The following NAA25 variants were observed in gnomAD, a reference collection of about 807,000 sequenced individuals.
The protein encoded by NAA25 is N-alpha-acetyltransferase 25, NatB auxiliary subunit, also known as N-terminal acetyltransferase B complex subunit NAA25.
In NAA25, 30 loss-of-function variants were observed where a neutral mutation model predicts 132.5. The ratio of observed to expected loss-of-function variants is 0.23; its 90% CI spans 0.17 to 0.31. The LOEUF is 0.31. Ranked by LOEUF, NAA25 falls within the 10% of genes least tolerant of loss-of-function variation. The pLI is 1.00. For synonymous variants in NAA25, 359 were observed against 401.9 expected (o/e 0.89, Z 1.28); for missense variants, 771 against 1,150.4 (o/e 0.67, Z 4.77).
chr12:112,053,034 C>T (rs1299633902), intron 15 of NAA25, among the ~76,000 whole-genome samples: 1 of 152,174 alleles, frequency 6.6e-6, no homozygotes, highest in East Asian at 1.9e-4. Context: ...TTCATTATGG[C>T]ACAGAGAAGC....
intron 17 of NAA25, among the ~76,000 whole-genome samples, chr12:112,044,153 G>C (rs111663783): frequency 2.6e-5 from 4 of 151,428 alleles, no homozygotes; most frequent in Middle Eastern, 3.4e-3. Context: ...GGATGGTCTT[G>C]ATCTCCTGAC....
chr12:112,108,590 G>GCGGCCCGCCCCCCTGCGCCTGCC, intron 1 of NAA25, 126 bp downstream of exon 1: 1 of 1,053,364 alleles, frequency 9.5e-7, no homozygotes, highest in Non-Finnish European at 1.2e-6. Context: ...AGTGGCCCGC[G>GCGGCCCGCCCCCCTGCGCCTGCC]CGGCCCGCCC....
intron 4 of NAA25, among the ~76,000 whole-genome samples, chr12:112,083,705 T>C (rs1487067404): frequency 6.6e-6 from 1 of 152,070 alleles, no homozygotes; most frequent in Non-Finnish European, 1.5e-5. Flanking sequence ...TGGGAAGATT[T>C]TACAATCAAA....
chr12:112,074,821 CT>C, intron 8 of NAA25, 57 bp from the exon 9 acceptor site: 1 of 1,156,576 alleles, frequency 8.6e-7, no homozygotes, highest in Non-Finnish European at 1.3e-6. Context: ...ACAGATCTTC[CT>C]TAGGAACCAT....
Position 112,029,474 on chromosome 12 carries a change from G to A in NAA25, c.*57C>T. On this transcript the variant is annotated 3_prime_UTR_variant, in exon 24 of 24. Transcript: ENST00000261745. ...GGTCAACCAGATGTTGCTTTTGCCTGGGAAGATGGTGTCATATTCTGTTGC... is the reference window on the plus strand; with the variant it reads ...GGTCAACCAGATGTTGCTTTTGCCTAGGAAGATGGTGTCATATTCTGTTGC... The A allele has an allele frequency of 2.5e-6, 4 of 1,607,744 alleles. No individual in the cohort carries two copies. The highest frequency in any genetic ancestry group is 3.4e-6 in the Non-Finnish European group (4 of 1,176,702).
chr12:112,047,295 G>C (rs1316758570), intron 17 of NAA25, among the ~76,000 whole-genome samples: 1 of 147,676 alleles, frequency 6.8e-6, no homozygotes, highest in East Asian at 2.0e-4. Flanking sequence ...GTAATGGTGC[G>C]ATCTCAGCTC....
chr12:112,033,474 T>C, intron 22 of NAA25, 95 bp from the exon 23 acceptor site: 1 of 1,192,620 alleles, frequency 8.4e-7, no homozygotes, highest in Non-Finnish European at 1.1e-6. Context: ...GGAATTTAAA[T>C]AGTGGCATTT....
intron 3 of NAA25, 90 bp downstream of exon 3, chr12:112,090,636 C>A: frequency 7.4e-7 from 1 of 1,351,456 alleles, no homozygotes; most frequent in South Asian, 1.3e-5. Flanking sequence ...CCATTCAAAT[C>A]ATGAGTGAGA....
At chr12:112,033,139 G>C (rs1337226419) in intron 23 of NAA25, 94 bp downstream of exon 23, 2 of 1,352,340 alleles carry the variant, frequency 1.5e-6, no homozygotes, top group Non-Finnish European at 2.0e-6. Context: ...ATGATAAATT[G>C]AACTTTAACT....
chr12:112,095,695 C>T (rs1269102849), intron 1 of NAA25, among the ~76,000 whole-genome samples: 1 of 151,020 alleles, frequency 6.6e-6, no homozygotes, highest in Non-Finnish European at 1.5e-5. Flanking sequence ...TGGAGGAAGC[C>T]TTATATTCAT....
intron 13 of NAA25, among the ~76,000 whole-genome samples, chr12:112,059,077 A>T (rs974880440): frequency 1.6e-4 from 1 of 6,228 alleles, no homozygotes; most frequent in Non-Finnish European, 3.1e-4. Flanking sequence ...CCATCTCACA[A>T]AAAAAAAAAA....
intron 22 of NAA25, among the ~76,000 whole-genome samples, chr12:112,038,899 A>G (rs2078263988): frequency 6.6e-6 from 1 of 152,218 alleles, no homozygotes; most frequent in African/African-American, 2.4e-5. Flanking sequence ...GAATCACTCG[A>G]ACCCAGGGGG....
At chr12:112,055,730 A>G (rs2078534310) in intron 13 of NAA25, among the ~76,000 whole-genome samples, 1 of 152,026 alleles carries the variant, frequency 6.6e-6, no homozygotes. Flanking sequence ...AAAAAAAAAA[A>G]GAAAAAAAAA....
chr12:112,057,773 G>A (rs1279016856), intron 13 of NAA25, among the ~76,000 whole-genome samples: 1 of 152,116 alleles, frequency 6.6e-6, no homozygotes, highest in Admixed American at 6.5e-5. Flanking sequence ...GGTGGATCAC[G>A]AGGTCAAGAG....
At chr12:112,059,027 T>C (rs1236869962) in intron 13 of NAA25, among the ~76,000 whole-genome samples, 1 of 136,234 alleles carries the variant, frequency 7.3e-6, no homozygotes, top group Non-Finnish European at 1.5e-5. Context: ...TGAGCTGAGA[T>C]TGCACCACTG....
intron 13 of NAA25, among the ~76,000 whole-genome samples, chr12:112,056,884 C>T (rs1741029339): frequency 6.6e-6 from 1 of 152,174 alleles, no homozygotes; most frequent in African/African-American, 2.4e-5. Context: ...GTGACAATAA[C>T]TGTATTATTA....
chr12:112,074,670 C>G lies in NAA25; in HGVS notation c.866+5G>C. The G allele has an allele frequency of 6.3e-7, 1 of 1,590,856 alleles. No individual in the cohort carries two copies. The highest frequency in any genetic ancestry group is 8.6e-7 in the Non-Finnish European group (1 of 1,165,598). ...TGTTATAATTCAGGAAAGAAGACAA[C>G]TTACTGTTCACCTTCAGCAGGAGGA... On this transcript the variant is annotated splice_donor_5th_base_variant and intron_variant, in intron 9 of 23. Transcript: ENST00000261745.
intron 13 of NAA25, among the ~76,000 whole-genome samples, chr12:112,055,904 A>C (rs1211076302): frequency 6.6e-6 from 1 of 152,222 alleles, no homozygotes; most frequent in Non-Finnish European, 1.5e-5. Context: ...GTTTTCCAGA[A>C]GAAAAGAAAG....
chr12:112,059,166 T>A (rs369486704), intron 13 of NAA25, among the ~76,000 whole-genome samples: 115 of 134,996 alleles, frequency 8.5e-4, no homozygotes, highest in African/African-American at 3.1e-3. Flanking sequence ...CCATCTACTC[T>A]GAGGCTAAGG....
Sources: gnomAD v4.1 joint callset for allele counts (sites outside exome capture counted in the v4.1 genomes callset) on GRCh38, gnomAD v4.1.1 for gene constraint, MANE v1.5 for transcripts, NCBI Gene and HGNC (gene_info 2026-07-23, HGNC 2026-07-21) for gene names.